Variants in GLT1D1 observed in about 807,000 individuals in gnomAD.
GLT1D1 encodes the protein glycosyltransferase 1 domain containing 1, also known as glycosyltransferase 1 domain-containing protein 1.
GLT1D1 carries 21 observed loss-of-function variants against 28.7 expected under a neutral mutation model. That is an observed-to-expected ratio of 0.73 (90% confidence interval 0.52 to 1.05). The LOEUF (loss-of-function observed/expected upper bound fraction) is 1.05. Ranked by LOEUF, GLT1D1 falls within the 50% of genes least tolerant of loss-of-function variation. The pLI, the probability that GLT1D1 is intolerant of heterozygous loss-of-function variation, is 0.00. For missense variants in GLT1D1, 343 were observed against 330.6 expected, an observed-to-expected ratio of 1.04 and a Z score of -0.29; for synonymous variants, 147 against 124.8, an observed-to-expected ratio of 1.18 and a Z score of -1.19.
At chr12:128,867,773 A>T (rs1956583560) in intron 1 of GLT1D1, among the ~76,000 whole-genome samples, 1 of 152,162 alleles carries the variant, frequency 6.6e-6, no homozygotes, top group Admixed American at 6.5e-5. Flanking sequence ...GTTGACAAGA[A>T]AGTAATTGAA....
rs559279875 is a variant in GLT1D1 at position 128,902,282 on chromosome 12, G to A, written c.375+2995G>A. On this transcript the variant is annotated intron_variant, in intron 4 of 7. Coordinates refer to ENST00000281703, the MANE Select transcript of GLT1D1 (RefSeq NM_144669.3). ...GCGGATCACCTGAGGTCAGGAGTTCGAGACCAGCCTGACCAACATGGAGAA... is the reference window on the plus strand; with the variant it reads ...GCGGATCACCTGAGGTCAGGAGTTCAAGACCAGCCTGACCAACATGGAGAA... Among the ~76,000 whole-genome samples, 31 of 150,216 alleles carry A rather than the reference G, an allele frequency of 2.1e-4. 1 individual carries two copies. The highest frequency in any genetic ancestry group is 1.9e-3 in the Admixed American group (29 of 15,138).
chr12:128,875,865 A>G (rs1956856532), intron 1 of GLT1D1, 49 bp from the exon 2 acceptor site: 1 of 1,547,110 alleles, frequency 6.5e-7, no homozygotes, highest in East Asian at 2.3e-5. Flanking sequence ...CCTGTTACAT[A>G]TTAACATTTT....
intron 4 of GLT1D1, chr12:128,944,358 T>C: frequency 3.5e-6 from 3 of 863,018 alleles, no homozygotes; most frequent in South Asian, 2.6e-5. Flanking sequence ...TGGTTTCTGT[T>C]CTGGAGAATG....
At chr12:128,980,457 C>G (rs1009696999) in intron 7 of GLT1D1, among the ~76,000 whole-genome samples, 4 of 152,216 alleles carry the variant, frequency 2.6e-5, no homozygotes, top group African/African-American at 4.8e-5. Flanking sequence ...TTACAACTAC[C>G]GCCATTTGAT....
At chr12:128,942,667 C>T (rs2117456) in intron 4 of GLT1D1, among the ~76,000 whole-genome samples, 44,559 of 151,408 alleles carry the variant, frequency 0.29, 6,982 homozygotes, top group East Asian at 0.58. Context: ...TTCTCCCAGA[C>T]CACACAGCAC....
chr12:128,969,910 G>C (rs1878866279), intron 7 of GLT1D1, among the ~76,000 whole-genome samples: 1 of 152,118 alleles, frequency 6.6e-6, no homozygotes, highest in Admixed American at 6.5e-5. Context: ...GCAGGCTCCA[G>C]CTGGGGACTG....
chr12:128,867,642 C>T (rs1373612149), intron 1 of GLT1D1, among the ~76,000 whole-genome samples: 1 of 152,172 alleles, frequency 6.6e-6, no homozygotes, highest in Non-Finnish European at 1.5e-5. Context: ...GGTCCCCCAG[C>T]AGGCGCCAGT....
intron 1 of GLT1D1, among the ~76,000 whole-genome samples, chr12:128,867,132 G>A (rs1405557075): frequency 1.3e-5 from 2 of 150,544 alleles, no homozygotes; most frequent in African/African-American, 2.4e-5. Flanking sequence ...AGTGGCTCAC[G>A]CCTGTAATCC....
rs369172595 is a variant in GLT1D1 at position 128,973,147 on chromosome 12, T to TATTTGTC, written c.640-9781_640-9775dup. 4.8e-3 allele frequency among the ~76,000 whole-genome samples: 718 copies of TATTTGTC among 151,040 alleles called. 10 individuals carry two copies. The highest frequency in any genetic ancestry group is 0.017 in the African/African-American group (682 of 41,120). ...TCCACATATAGGTAAAATTATGAAG[T>TATTTGTC]ATTTGTCTTTTCTGTTTTGTTTGTT... On this transcript the variant is annotated intron_variant, in intron 7 of 7. Transcript: ENST00000281703.
chr12:128,873,115 C>T (rs534339532), intron 1 of GLT1D1, among the ~76,000 whole-genome samples: 13 of 152,052 alleles, frequency 8.5e-5, no homozygotes, highest in Non-Finnish European at 1.8e-4. Context: ...AGGCTGGTCT[C>T]GAACTCCTGA....
At chr12:128,906,147 A>G (rs1248920770) in intron 4 of GLT1D1, among the ~76,000 whole-genome samples, 1 of 152,006 alleles carries the variant, frequency 6.6e-6, no homozygotes, top group Non-Finnish European at 1.5e-5. Flanking sequence ...CCAGTTTCTG[A>G]TATTATAATA....
At chr12:128,978,525 G>A (rs987730107) in intron 7 of GLT1D1, among the ~76,000 whole-genome samples, 12 of 152,116 alleles carry the variant, frequency 7.9e-5, no homozygotes, top group Admixed American at 4.6e-4. Context: ...GGGGGCAGTC[G>A]TTCCTAGTGT....
intron 2 of GLT1D1, among the ~76,000 whole-genome samples, chr12:128,884,988 G>T (rs1336462423): frequency 6.7e-6 from 1 of 150,062 alleles, no homozygotes; most frequent in South Asian, 2.1e-4. Context: ...CTCCTGGGGT[G>T]GAGCAATCCT....
chr12:128,874,715 C>T (rs1328516569), intron 1 of GLT1D1, among the ~76,000 whole-genome samples: 1 of 152,140 alleles, frequency 6.6e-6, no homozygotes, highest in African/African-American at 2.4e-5. Flanking sequence ...AACTCCTGGG[C>T]TCAAGCAATC....
intron 1 of GLT1D1, among the ~76,000 whole-genome samples, chr12:128,870,354 G>T (rs1352375541): frequency 6.6e-6 from 1 of 152,164 alleles, no homozygotes; most frequent in Non-Finnish European, 1.5e-5. Context: ...TTGCTGGCCG[G>T]GGAGCCACAG....
At position 128,915,962 on chromosome 12, in the gene GLT1D1, A is replaced by G. The variant is rs544575726; in HGVS notation, c.375+16675A>G. Among the ~76,000 whole-genome samples the G allele has an allele frequency of 1.3e-4, 20 of 152,296 alleles. No individual in the cohort carries two copies. In the South Asian group the frequency reaches 3.7e-3, roughly 28 times the overall value. ...ATATACCCATGTGACAAATACCCCAATCAAGATAGATAACATTTCCACCAC... is the reference window on the plus strand; with the variant it reads ...ATATACCCATGTGACAAATACCCCAGTCAAGATAGATAACATTTCCACCAC... On this transcript the variant is annotated intron_variant, in intron 4 of 7. Transcript: ENST00000281703.
At chr12:128,932,768 G>A (rs1257213105) in intron 4 of GLT1D1, among the ~76,000 whole-genome samples, 1 of 151,718 alleles carries the variant, frequency 6.6e-6, no homozygotes, top group Non-Finnish European at 1.5e-5. Context: ...CAGAGGCGAA[G>A]GCTCTGGGCA....
rs148836115 is a variant in GLT1D1 at position 128,962,827 on chromosome 12, G to A, written c.639+5184G>A. The stretch of plus-strand genomic sequence containing the variant: ...AGTGATTATCCTGTCTCAGCCTCCC[G>A]AGTAGCTGGGACTACAGGTGTGCGC... On this transcript the variant is annotated intron_variant, in intron 7 of 7. Coordinates refer to ENST00000281703, the MANE Select transcript of GLT1D1 (RefSeq NM_144669.3). Among the ~76,000 whole-genome samples, 713 of 152,054 alleles carry A rather than the reference G, an allele frequency of 4.7e-3. 8 individuals are homozygous for A. The highest frequency in any genetic ancestry group is 0.014 in the African/African-American group (594 of 41,450).
chr12:128,902,972 A>G (rs1265452887), intron 4 of GLT1D1, among the ~76,000 whole-genome samples: 1 of 150,506 alleles, frequency 6.6e-6, no homozygotes, highest in African/African-American at 2.5e-5. Flanking sequence ...TGAACCCAGG[A>G]GGCCGAGGTT....
Sources: allele counts gnomAD v4.1 joint callset (sites outside exome capture counted in the v4.1 genomes callset), GRCh38; gene constraint gnomAD v4.1.1; transcripts MANE v1.5; gene names NCBI Gene and HGNC (gene_info 2026-07-23, HGNC 2026-07-21).